Variants in SCIN observed in about 807,000 individuals in gnomAD.
The protein encoded by SCIN is scinderin.
Under a neutral mutation model 91.8 loss-of-function variants are expected in SCIN, and 91 were observed. That is an observed-to-expected ratio of 0.99 (90% CI 0.84 to 1.18). The LOEUF (loss-of-function observed/expected upper bound fraction) is 1.18, where lower values mean the gene tolerates loss of function less well. SCIN is among the 50% of genes most tolerant of loss of function. The pLI, the probability that SCIN is intolerant of heterozygous loss-of-function variation, is 0.00. For synonymous variants in SCIN, 367 were observed against 312.6 expected, an observed-to-expected ratio of 1.17 and a Z score of -1.84; for missense variants, 1,087 against 863.9, an observed-to-expected ratio of 1.26 and a Z score of -3.24.
chr7:12,599,035 A>G (rs1039088121), intron 3 of SCIN, among the ~76,000 whole-genome samples: 1 of 152,254 alleles, frequency 6.6e-6, no homozygotes, highest in Non-Finnish European at 1.5e-5. Context: ...TCAACCATTG[A>G]AAAGTAAGTC....
At chr7:12,603,264 C>G (rs1392646079) in intron 3 of SCIN, among the ~76,000 whole-genome samples, 1 of 152,052 alleles carries the variant, frequency 6.6e-6, no homozygotes, top group Admixed American at 6.6e-5. Context: ...CCTGCCTCAG[C>G]CTTCTGAGTA....
chr7:12,632,223 C>T (rs760704393), intron 9 of SCIN, among the ~76,000 whole-genome samples: 79 of 151,666 alleles, frequency 5.2e-4, no homozygotes, highest in Non-Finnish European at 9.7e-4. Flanking sequence ...CTCCGCCTCC[C>T]GGGTTCAAGC....
At position 12,651,561 on chromosome 7, in the gene SCIN, G is replaced by A. The variant is rs1262816630; in HGVS notation, c.1960-280G>A. 1.3e-5 allele frequency among the ~76,000 whole-genome samples: 2 copies of A among 149,648 alleles called. No individual in the cohort carries two copies. Among genetic ancestry groups the A allele is most frequent in the Middle Eastern group, 3.4e-3 (1 of 294 alleles). ...ACCCAGACAATCTGTTTTTTTTTGT[G>A]AAAGATCACTTTACAAACTAGAAAG... On this transcript the variant is annotated intron_variant, in intron 14 of 15. Coordinates refer to ENST00000297029, the MANE Select transcript of SCIN (RefSeq NM_001112706.3). This position sits in a 1 kb window ranked among gnomAD's most constrained non-coding sequence, Gnocchi z 5.9.
intron 4 of SCIN, among the ~76,000 whole-genome samples, chr7:12,608,788 T>G (rs1783133586): frequency 6.6e-6 from 1 of 152,224 alleles, no homozygotes; most frequent in South Asian, 2.1e-4. Flanking sequence ...AAATTTGACC[T>G]TTTAAAAGAC....
At chr7:12,616,900 A>G (rs919409540) in intron 4 of SCIN, among the ~76,000 whole-genome samples, 10 of 152,154 alleles carry the variant, frequency 6.6e-5, no homozygotes, top group African/African-American at 1.9e-4. Context: ...TGCTGATTGC[A>G]TAAAAGACTT....
rs1297579496 is a variant in SCIN, at chr7:12,655,233, A to G, written c.*2518A>G. On this transcript the variant is annotated 3_prime_UTR_variant, in exon 16 of 16. Transcript: ENST00000297029. ...ATTTGCATTACTTTTGTATTGTTGT[A>G]TTATTTTATTGTTTTTCCCCAAATA... 1 of 152,112 alleles carries G rather than the reference A, an allele frequency of 6.6e-6. No individual in the cohort carries two copies. The highest frequency in any genetic ancestry group is 1.5e-5 in the Non-Finnish European group (1 of 67,998). The allele number at this position is 152,112 out of a possible 1,614,324, so 9.4% of individuals were successfully genotyped here.
At chr7:12,643,006 C>A (rs1053267561) in intron 11 of SCIN, among the ~76,000 whole-genome samples, 3 of 152,262 alleles carry the variant, frequency 2.0e-5, no homozygotes, top group Non-Finnish European at 2.9e-5. Flanking sequence ...CATTTAAAAA[C>A]TATCAAAATG....
chr7:12,649,530 G>C lies in SCIN; in HGVS notation c.1945G>C (p.Asp649His), dbSNP rs1446308681. The C allele has an allele frequency of 1.3e-6, 2 of 1,598,594 alleles. No homozygotes were observed. The change falls in exon 14 of 16, where the codon GAT becomes CAT. Residue 649 changes from aspartate (D) to histidine (H), a missense_variant. Physicochemically the swap from Asp to His is moderately conservative, Grantham distance 81 (BLOSUM62 -1). Transcript: ENST00000297029. ...DLAEDDVMLL[D>H]AWEQIFIWIG... The stretch of plus-strand genomic sequence containing the variant: ...AGCTGAAGATGATGTCATGTTACTA[G>C]ATGCTTGGGAACAGGTAAAACTACA...
At chr7:12,637,772 A>C (rs1336174332) in intron 10 of SCIN, among the ~76,000 whole-genome samples, 1 of 152,200 alleles carries the variant, frequency 6.6e-6, no homozygotes, top group African/African-American at 2.4e-5. Context: ...TCCAAATTCA[A>C]AATGAAAATT....
At chr7:12,593,089 C>T (rs1782760490) in intron 3 of SCIN, among the ~76,000 whole-genome samples, 1 of 152,194 alleles carries the variant, frequency 6.6e-6, no homozygotes, top group Non-Finnish European at 1.5e-5. Flanking sequence ...GTCAGACTTC[C>T]AGTGCCCATC....
Position 12,651,215 on chromosome 7 carries a change from T to G in SCIN, c.1960-626T>G, listed in dbSNP as rs145581718. On this transcript the variant is annotated intron_variant, in intron 14 of 15. Transcript: ENST00000297029. This position sits in a 1 kb window ranked among gnomAD's most constrained non-coding sequence, Gnocchi z 5.9. ...AGAGAAGAGGCCTGGCTAGGAAAGA[T>G]GGTCTTGTTATGGATAAAACCTCAC... 1.4e-3 allele frequency among the ~76,000 whole-genome samples: 220 copies of G among 152,294 alleles called. 1 individual carries two copies. The highest frequency in any genetic ancestry group is 5.1e-3 in the African/African-American group (211 of 41,562).
At chr7:12,583,245 G>A (rs889391003) in intron 3 of SCIN, among the ~76,000 whole-genome samples, 1 of 151,968 alleles carries the variant, frequency 6.6e-6, no homozygotes, top group African/African-American at 2.4e-5. Context: ...TAATGTCTCT[G>A]AGCCTTAACT....
intron 3 of SCIN, among the ~76,000 whole-genome samples, chr7:12,601,302 C>G (rs1016533633): frequency 6.6e-6 from 1 of 152,104 alleles, no homozygotes; most frequent in Non-Finnish European, 1.5e-5. Flanking sequence ...ACTCAGTAAA[C>G]CATTTTTTGA....
chr7:12,612,252 C>T (rs1380337142), intron 4 of SCIN, among the ~76,000 whole-genome samples: 2 of 152,130 alleles, frequency 1.3e-5, no homozygotes, highest in African/African-American at 4.8e-5. Flanking sequence ...AGGCACTGCT[C>T]ATCAAGTGTT....
At chr7:12,610,602 G>T (rs939202448) in intron 4 of SCIN, among the ~76,000 whole-genome samples, 2 of 152,100 alleles carry the variant, frequency 1.3e-5, no homozygotes, top group African/African-American at 4.8e-5. Context: ...TTAGGGGATA[G>T]TATGGCTTAA....
chr7:12,603,321 T>A (rs951059492), intron 3 of SCIN, among the ~76,000 whole-genome samples: 10 of 152,082 alleles, frequency 6.6e-5, no homozygotes, highest in Non-Finnish European at 1.3e-4. Flanking sequence ...ATTTTTTATA[T>A]TTTTAGTAGA....
chr7:12,579,000 G>C (rs1356237069), intron 2 of SCIN, among the ~76,000 whole-genome samples: 1 of 141,966 alleles, frequency 7.0e-6, no homozygotes, highest in Non-Finnish European at 1.5e-5. Context: ...CACGTGTTCA[G>C]TTAAAGTGTG....
chr7:12,654,069 C>T lies in SCIN; in HGVS notation c.*1354C>T, dbSNP rs1046440314. 1 of 152,052 alleles carries T rather than the reference C, an allele frequency of 6.6e-6. No homozygotes were observed. Among genetic ancestry groups the T allele is most frequent in the African/African-American group, 2.4e-5 (1 of 41,406 alleles). 9.4% of individuals were successfully genotyped at this position (152,052 alleles called of 1,614,324 possible). ...AGAACCCATGGAAAGAACTTTGCCT[C>T]ATGTAGAGATTCTAGATTCTTAGCC... On this transcript the variant is annotated 3_prime_UTR_variant, in exon 16 of 16. Coordinates refer to ENST00000297029, the MANE Select transcript of SCIN (RefSeq NM_001112706.3).
At chr7:12,625,641 C>G (rs1783505263) in intron 6 of SCIN, 121 bp from the exon 7 acceptor site, 1 of 774,156 alleles carries the variant, frequency 1.3e-6, no homozygotes, top group East Asian at 2.9e-5. Flanking sequence ...TTTTGCTATT[C>G]TTTCACTGCT....
Sources: allele counts gnomAD v4.1 joint callset (sites outside exome capture counted in the v4.1 genomes callset), GRCh38; gene constraint gnomAD v4.1.1; non-coding constraint Gnocchi (gnomAD v3.1); transcripts MANE v1.5; gene names NCBI Gene and HGNC (gene_info 2026-07-23, HGNC 2026-07-21).